RASA2: variants seen among roughly 807,000 people sequenced by gnomAD.
RASA2 encodes RAS p21 protein activator 2.
In RASA2, 155 loss-of-function variants were observed where a neutral mutation model predicts 118.2. The ratio of observed to expected loss-of-function variants is 1.31; its 90% CI spans 1.15 to 1.50. The LOEUF is 1.50. RASA2 is among the 40% of genes most tolerant of loss of function. The pLI, the probability that RASA2 is intolerant of heterozygous loss-of-function variation, is 0.00. For synonymous variants in RASA2, 353 were observed against 349.1 expected (o/e 1.01, Z -0.12); for missense variants, 1,016 against 1,009.6 (o/e 1.01, Z -0.09).
chr3:141,544,083 C>T (rs1363854660), intron 5 of RASA2, among the ~76,000 whole-genome samples: 1 of 151,942 alleles, frequency 6.6e-6, no homozygotes, highest in Non-Finnish European at 1.5e-5. Context: ...GCCATATTGG[C>T]CAGGCTGCTC....
intron 23 of RASA2, among the ~76,000 whole-genome samples, chr3:141,611,988 T>C (rs1380577709): frequency 6.6e-6 from 1 of 152,206 alleles, no homozygotes; most frequent in Non-Finnish European, 1.5e-5. Flanking sequence ...TTAAAAAATA[T>C]CAACCTCTAC....
chr3:141,539,135 T>C (rs894815018), intron 4 of RASA2, among the ~76,000 whole-genome samples: 7 of 152,306 alleles, frequency 4.6e-5, no homozygotes, highest in Non-Finnish European at 7.3e-5. Context: ...TTGAGTAATA[T>C]TACAAATTAC....
chr3:141,613,201 T>G lies in RASA2; in HGVS notation c.*888T>G, dbSNP rs894378349. 6.6e-6 allele frequency: 1 copy of G among 152,200 alleles called. No homozygotes were observed. The allele number at this position is 152,200 out of a possible 1,614,324, so 9.4% of individuals were successfully genotyped here. ...CACCATAAGGATGCCCTCCTCATAG[T>G]GTTCGGTTCTGATCTTCCTCGAGAA... On this transcript the variant is annotated 3_prime_UTR_variant, in exon 24 of 24. Coordinates refer to ENST00000286364, the MANE Select transcript of RASA2 (RefSeq NM_006506.5).
chr3:141,575,316 A>T (rs143404303), intron 14 of RASA2, among the ~76,000 whole-genome samples: 18 of 152,370 alleles, frequency 1.2e-4, no homozygotes, highest in African/African-American at 4.1e-4. Flanking sequence ...TAACATGTAG[A>T]TAAATTTAGA....
At chr3:141,600,572 TCTC>T (rs888318356) in intron 19 of RASA2, 5 of 257,142 alleles carry the variant, frequency 1.9e-5, no homozygotes, top group Non-Finnish European at 2.3e-5. Context: ...AGCTCCCTCT[TCTC>T]CTTGACGGGT....
chr3:141,603,231 C>G (rs2083493915), intron 19 of RASA2, among the ~76,000 whole-genome samples: 1 of 152,100 alleles, frequency 6.6e-6, no homozygotes, highest in Admixed American at 6.5e-5. Flanking sequence ...CCCTTGGGGC[C>G]AATATGTAGT....
chr3:141,545,595 G>A (rs1182005307), intron 5 of RASA2, among the ~76,000 whole-genome samples: 1 of 150,248 alleles, frequency 6.7e-6, no homozygotes, highest in Non-Finnish European at 1.5e-5. Context: ...TTACAGGTGT[G>A]CACCACCAGA....
Position 141,613,666 on chromosome 3 carries a change from C to T in RASA2, c.*1353C>T, listed in dbSNP as rs928317798. On this transcript the variant is annotated 3_prime_UTR_variant, in exon 24 of 24. Transcript: ENST00000286364. ...TATTAATGTAAGTCTGCTAGTAGTA[C>T]TTTTTTTGTCTGAGCATAAGCTATA... 3 of 152,082 alleles carry T rather than the reference C, an allele frequency of 2.0e-5. No homozygotes were observed. Among genetic ancestry groups the T allele is most frequent in the Admixed American group, 2.0e-4 (3 of 15,262 alleles). The allele number at this position is 152,082 out of a possible 1,614,324, so 9.4% of individuals were successfully genotyped here.
chr3:141,570,854 T>G, intron 9 of RASA2, 58 bp from the exon 10 acceptor site: 1 of 1,498,078 alleles, frequency 6.7e-7, no homozygotes, highest in Non-Finnish European at 9.1e-7. Flanking sequence ...ACTCTTAACT[T>G]GCCTCATTGG....
At chr3:141,594,440 A>G (rs776669743) in intron 19 of RASA2, among the ~76,000 whole-genome samples, 1 of 152,166 alleles carries the variant, frequency 6.6e-6, no homozygotes, top group Non-Finnish European at 1.5e-5. Flanking sequence ...GAGAAGCTCA[A>G]TGAACTGCAA....
chr3:141,513,197 G>GTTT (rs35492761), intron 2 of RASA2, among the ~76,000 whole-genome samples: 2 of 145,056 alleles, frequency 1.4e-5, no homozygotes, highest in Non-Finnish European at 1.5e-5. Context: ...TTAGGGATCT[G>GTTT]TTTTTTTTTT....
intron 2 of RASA2, among the ~76,000 whole-genome samples, chr3:141,513,044 CAA>C: frequency 7.5e-6 from 1 of 133,748 alleles, no homozygotes; most frequent in Non-Finnish European, 1.6e-5. Context: ...GCCTGGGCAA[CAA>C]GAGTGAAACT....
In RASA2 at chr3:141,581,129, A is replaced by AT; in HGVS notation, c.1709dup (p.Lys571GlnfsTer13). The AT allele has an allele frequency of 6.5e-7, 1 of 1,539,812 alleles. No homozygotes were observed. Among genetic ancestry groups the AT allele is most frequent in the Non-Finnish European group, 8.7e-7 (1 of 1,151,394 alleles). ...GTTTCAAAGAGACATTCATGTGTGA[A>AT]TTTTTCAAAATGTTTCAAGAAGAAG... On this transcript the variant is annotated frameshift_variant, in exon 17 of 24. Coordinates refer to ENST00000286364, the MANE Select transcript of RASA2 (RefSeq NM_006506.5). LOFTEE classifies it high-confidence loss of function.
At chr3:141,498,063 A>T (rs79142525) in intron 1 of RASA2, among the ~76,000 whole-genome samples, 3,371 of 152,276 alleles carry the variant, frequency 0.022, 132 homozygotes, top group African/African-American at 0.076. Flanking sequence ...TTTAGTTTTG[A>T]ATTTTACAGT....
intron 5 of RASA2, among the ~76,000 whole-genome samples, chr3:141,542,199 C>G (rs1456028973): frequency 6.6e-6 from 1 of 152,110 alleles, no homozygotes; most frequent in African/African-American, 2.4e-5. Context: ...TCTCCCCACA[C>G]CCAGCTCCAA....
rs1040629923 is a variant in RASA2, at chr3:141,612,571, T to G, written c.*258T>G. On this transcript the variant is annotated 3_prime_UTR_variant, in exon 24 of 24. Coordinates refer to ENST00000286364, the MANE Select transcript of RASA2 (RefSeq NM_006506.5). ...CCATGTTTCTGCAACTTCTTTTTAA[T>G]CGAAAGAATCTTCCTAGAAAAGCTT... 5.8e-6 allele frequency: 2 copies of G among 344,934 alleles called. No homozygotes were observed. Among genetic ancestry groups the G allele is most frequent in the Non-Finnish European group, 5.3e-6 (1 of 187,530 alleles). 21.4% of individuals were successfully genotyped at this position (344,934 alleles called of 1,614,324 possible).
chr3:141,540,581 G>T lies in RASA2; in HGVS notation c.499G>T (p.Gly167Ter), dbSNP rs559149011. 1.9e-6 allele frequency: 3 copies of T among 1,612,712 alleles called. No individual in the cohort carries two copies. Among genetic ancestry groups the T allele is most frequent in the Non-Finnish European group, 8.5e-7 (1 of 1,179,084 alleles). The change falls in exon 5 of 24, where the codon GGA (glycine) becomes TGA (stop). Residue 167 changes from glycine to a stop codon, truncating the protein, a stop_gained. Coordinates refer to ENST00000286364, the MANE Select transcript of RASA2 (RefSeq NM_006506.5). LOFTEE classifies it high-confidence loss of function. ...ACTGAATGAACTGATAACGGAGAAT[G>T]GAACTGTATGCCAGCAGCTTGTTGT... Reference protein sequence around the residue: ...LKLNELITENGTVCQQLVVHI... With the variant: ...LKLNELITEN
chr3:141,554,249 C>T (rs1026288418), intron 6 of RASA2, among the ~76,000 whole-genome samples: 7 of 152,258 alleles, frequency 4.6e-5, no homozygotes, highest in African/African-American at 1.7e-4. Flanking sequence ...ATCAGCATTC[C>T]TACTTTTCAA....
At chr3:141,491,051 A>C in intron 1 of RASA2, among the ~76,000 whole-genome samples, 1 of 152,254 alleles carries the variant, frequency 6.6e-6, no homozygotes, top group East Asian at 1.9e-4. Flanking sequence ...CAGGTGTACA[A>C]AGCTGATTAA....
Sources: gnomAD v4.1 joint callset for allele counts (sites outside exome capture counted in the v4.1 genomes callset) on GRCh38, gnomAD v4.1.1 for gene constraint, MANE v1.5 for transcripts, NCBI Gene and HGNC (gene_info 2026-07-23, HGNC 2026-07-21) for gene names.